The following PLEKHA5 variants were observed in gnomAD, a reference collection of about 807,000 sequenced individuals.
The protein encoded by PLEKHA5 is pleckstrin homology domain containing A5.
Under a neutral mutation model 181.9 loss-of-function variants are expected in PLEKHA5, and 55 were observed. The observed-to-expected ratio is 0.30, with a 90% CI of 0.24 to 0.38. The LOEUF is 0.38. PLEKHA5 is among the 10% of genes least tolerant of loss of function. The probability of loss-of-function intolerance (pLI) is 1.00; values close to 1 mark genes in which losing one functional copy is unlikely to be tolerated. For synonymous variants in PLEKHA5, 535 were observed against 529.4 expected, an observed-to-expected ratio of 1.01 and a Z score of -0.15; for missense variants, 1,432 against 1,549.5, an observed-to-expected ratio of 0.92 and a Z score of 1.27.
chr12:19,302,912 T>TTTTTC, intron 15 of PLEKHA5, among the ~76,000 whole-genome samples: 1 of 107,274 alleles, frequency 9.3e-6, no homozygotes, highest in Non-Finnish European at 1.9e-5. Flanking sequence ...TGAAATTTTT[T>TTTTTC]TTTTTTTTTT....
At chr12:19,316,101 T>C (rs765973887) in intron 16 of PLEKHA5, among the ~76,000 whole-genome samples, 14 of 152,026 alleles carry the variant, frequency 9.2e-5, no homozygotes, top group Non-Finnish European at 1.6e-4. Context: ...TTGGAATAAG[T>C]ATTATTCCGA....
Position 19,320,110 on chromosome 12 carries a change from A to T in PLEKHA5, c.2154+54A>T. ...TATACAATATGTTATAGGTTTTGTT[A>T]AGATGTGTTGACATTTGAGTGTACA... On this transcript the variant is annotated intron_variant, in intron 17 of 31. Transcript: ENST00000429027. 1.9e-5 allele frequency: 13 copies of T among 679,154 alleles called. No individual in the cohort carries two copies. In the South Asian group the frequency reaches 2.7e-4, roughly 14 times the overall value. 42.1% of individuals were successfully genotyped at this position (679,154 alleles called of 1,614,324 possible).
intron 6 of PLEKHA5, among the ~76,000 whole-genome samples, chr12:19,258,393 A>T (rs978271530): frequency 4.6e-5 from 7 of 152,034 alleles, no homozygotes; most frequent in Non-Finnish European, 1.0e-4. Context: ...CATTGGTGTC[A>T]GTTTATTCTG....
intron 23 of PLEKHA5, 101 bp downstream of exon 23, chr12:19,345,989 T>TA: frequency 1.7e-6 from 1 of 601,396 alleles, no homozygotes; most frequent in Non-Finnish European, 2.9e-6. Flanking sequence ...AAATATTTTT[T>TA]AAATATATTG....
chr12:19,363,167 C>T (rs2095314047), intron 29 of PLEKHA5, among the ~76,000 whole-genome samples: 1 of 150,444 alleles, frequency 6.6e-6, no homozygotes, highest in Non-Finnish European at 1.5e-5. Flanking sequence ...CAGAGTCTCG[C>T]TCTGTTGCCC....
intron 3 of PLEKHA5, chr12:19,151,061 G>T (rs1054994442): frequency 8.5e-5 from 13 of 152,382 alleles, no homozygotes; most frequent in African/African-American, 3.1e-4. Context: ...GATGTGCCAG[G>T]TTATGGGTAT....
At position 19,361,644 on chromosome 12, in the gene PLEKHA5, T is replaced by G; in HGVS notation, c.3546T>G (p.Asn1182Lys). 5.1e-6 allele frequency: 8 copies of G among 1,583,862 alleles called. No individual in the cohort carries two copies. Among genetic ancestry groups the G allele is most frequent in the Non-Finnish European group, 6.9e-6 (8 of 1,155,728 alleles). The change falls in exon 29 of 32, where the codon AAT becomes AAG. Residue 1182 changes from asparagine to lysine, a missense_variant. Physicochemically the swap from Asn to Lys is moderately conservative, Grantham distance 94. Transcript: ENST00000429027. ...TTGAACCTGAGCCAAATGGAGTAAA[T>G]TCTGTGGAAATGATGGATAAAGAAA... ...MLFEPEPNGVNSVEMMDKERN... is the reference protein window; with the variant it reads ...MLFEPEPNGVKSVEMMDKERN...
intron 3 of PLEKHA5, among the ~76,000 whole-genome samples, chr12:19,139,042 CT>C (rs2036523792): frequency 6.6e-6 from 1 of 152,126 alleles, no homozygotes; most frequent in South Asian, 2.1e-4. Context: ...GAGACCATTT[CT>C]GAGTCTGTTG....
Position 19,376,164 on chromosome 12 carries a change from A to T in PLEKHA5, c.*645A>T, listed in dbSNP as rs1486652840. On this transcript the variant is annotated 3_prime_UTR_variant, in exon 32 of 32. Coordinates refer to ENST00000429027, the MANE Select transcript of PLEKHA5 (RefSeq NM_001256470.2). ...ATCTTTTCTTAAAAAAAAAAAAAAC[A>T]AAGTGTAGGTATTTTGAAGTACTGG... 1 of 151,572 alleles carries T rather than the reference A, an allele frequency of 6.6e-6. No individual in the cohort carries two copies. The highest frequency in any genetic ancestry group is 1.5e-5 in the Non-Finnish European group (1 of 67,776). The allele number at this position is 151,572 out of a possible 1,614,324, so 9.4% of individuals were successfully genotyped here. A position where few individuals can be genotyped will look rare whatever the true frequency, so the allele number is the denominator to read the frequency against.
chr12:19,266,167 G>C (rs907508847), intron 8 of PLEKHA5, among the ~76,000 whole-genome samples: 26 of 152,068 alleles, frequency 1.7e-4, no homozygotes, highest in Non-Finnish European at 3.7e-4. Context: ...CAACGTTACT[G>C]TATGTTTGAA....
chr12:19,187,183 C>G (rs543553430), intron 3 of PLEKHA5, among the ~76,000 whole-genome samples: 1 of 152,164 alleles, frequency 6.6e-6, no homozygotes, highest in Non-Finnish European at 1.5e-5. Flanking sequence ...TTTGCTATGT[C>G]TAGATCTGAC....
chr12:19,348,949 A>G (rs2565678), intron 25 of PLEKHA5, among the ~76,000 whole-genome samples: 14,126 of 152,160 alleles, frequency 0.093, 906 homozygotes, highest in Admixed American at 0.17. Flanking sequence ...GCAACAGAGC[A>G]AGACTTCGTC....
At chr12:19,313,239 G>A (rs889789457) in intron 15 of PLEKHA5, among the ~76,000 whole-genome samples, 73 of 152,112 alleles carry the variant, frequency 4.8e-4, no homozygotes, top group African/African-American at 1.7e-3. Flanking sequence ...GCTGGGCATG[G>A]TGGCATGTGC....
intron 20 of PLEKHA5, among the ~76,000 whole-genome samples, chr12:19,329,841 C>T (rs917628897): frequency 1.3e-5 from 2 of 151,792 alleles, no homozygotes; most frequent in Non-Finnish European, 2.9e-5. Flanking sequence ...CTTTGGGAGG[C>T]TGAGGTAGGC....
At chr12:19,298,576 C>A (rs750059031) in intron 15 of PLEKHA5, among the ~76,000 whole-genome samples, 15 of 151,706 alleles carry the variant, frequency 9.9e-5, no homozygotes, top group Non-Finnish European at 2.2e-4. Flanking sequence ...ACCATGTTGG[C>A]CAGGCTGGTC....
chr12:19,366,029 A>T lies in PLEKHA5; in HGVS notation c.3674A>T (p.Asn1225Ile), dbSNP rs929274857. The change falls in exon 30 of 32, where the codon AAC becomes ATC. Residue 1225 changes from asparagine to isoleucine, a missense_variant. Around this residue, in one of 2 missense-constraint regions of PLEKHA5, gnomAD observed 1,143 missense variants for 1,168.4 expected, o/e 0.98. Transcript: ENST00000429027. ...PEEHPEENTK[N>I]SVDEQEETVI... ...GAGCATCCTGAAGAAAATACAAAGA[A>T]CAGTGTTGACGAACAGGAAGAAACT... is the stretch of plus-strand genomic sequence containing the variant. The T allele has an allele frequency of 1.2e-6, 2 of 1,611,934 alleles. No homozygotes were observed. Among genetic ancestry groups the T allele is most frequent in the Non-Finnish European group, 1.7e-6 (2 of 1,178,402 alleles).
chr12:19,210,052 G>A (rs1009588343), intron 3 of PLEKHA5, among the ~76,000 whole-genome samples: 2 of 152,098 alleles, frequency 1.3e-5, no homozygotes, highest in African/African-American at 2.4e-5. Flanking sequence ...AATCTTTAAC[G>A]GATGTCCATT....
chr12:19,262,668 A>T (rs561723563), intron 7 of PLEKHA5, among the ~76,000 whole-genome samples: 1 of 152,358 alleles, frequency 6.6e-6, no homozygotes, highest in Non-Finnish European at 1.5e-5. Context: ...ATATTTCAAA[A>T]ATGTAAAAGT....
At chr12:19,328,152 C>A (rs1224183583) in intron 20 of PLEKHA5, among the ~76,000 whole-genome samples, 1 of 152,110 alleles carries the variant, frequency 6.6e-6, no homozygotes, top group African/African-American at 2.4e-5. Context: ...AGGTGTATGG[C>A]TTAACTGCTG....
Sources: allele counts gnomAD v4.1 joint callset (sites outside exome capture counted in the v4.1 genomes callset), GRCh38; gene constraint gnomAD v4.1.1; regional missense constraint gnomAD v4.1.1; transcripts MANE v1.5; gene names NCBI Gene and HGNC (gene_info 2026-07-23, HGNC 2026-07-21).